Variants in PPP2R2A observed in about 807,000 individuals in gnomAD.
PPP2R2A encodes protein phosphatase 2 regulatory subunit Balpha.
In PPP2R2A, 9 loss-of-function variants were observed where a neutral mutation model predicts 53.2. The ratio of observed to expected loss-of-function variants is 0.17; its 90% CI spans 0.10 to 0.30. The LOEUF (loss-of-function observed/expected upper bound fraction) is 0.30, where lower values mean the gene tolerates loss of function less well. Ranked by LOEUF, PPP2R2A falls within the 10% of genes least tolerant of loss-of-function variation. The pLI, the probability that PPP2R2A is intolerant of heterozygous loss-of-function variation, is 1.00. For missense variants in PPP2R2A, 235 were observed against 534.6 expected, an observed-to-expected ratio of 0.44 and a Z score of 5.53; for synonymous variants, 169 against 174.2, an observed-to-expected ratio of 0.97 and a Z score of 0.23.
At chr8:26,314,615 A>T (rs1039611831) in intron 2 of PPP2R2A, among the ~76,000 whole-genome samples, 7 of 152,138 alleles carry the variant, frequency 4.6e-5, no homozygotes, top group Non-Finnish European at 1.0e-4. Flanking sequence ...TTGGCTGGTT[A>T]ACATTTTCCG....
chr8:26,349,236 A>G (rs1442362021), intron 3 of PPP2R2A, among the ~76,000 whole-genome samples: 1 of 151,316 alleles, frequency 6.6e-6, no homozygotes, highest in Non-Finnish European at 1.5e-5. Flanking sequence ...GGGTGGGTAG[A>G]TGTGTGTGTG....
At chr8:26,313,460 T>G (rs1157304063) in intron 2 of PPP2R2A, among the ~76,000 whole-genome samples, 1 of 152,216 alleles carries the variant, frequency 6.6e-6, no homozygotes, top group Non-Finnish European at 1.5e-5. Flanking sequence ...TTTCTTGGTG[T>G]TGTTACACTG....
intron 2 of PPP2R2A, among the ~76,000 whole-genome samples, chr8:26,330,054 G>C (rs556098644): frequency 6.6e-6 from 1 of 152,272 alleles, no homozygotes; most frequent in South Asian, 2.1e-4. Flanking sequence ...CAGGACTGCA[G>C]TGATACTTAC....
chr8:26,350,306 G>A (rs1804427776), intron 3 of PPP2R2A, among the ~76,000 whole-genome samples: 1 of 152,048 alleles, frequency 6.6e-6, no homozygotes, highest in Non-Finnish European at 1.5e-5. Flanking sequence ...CAGGTGATCT[G>A]CCCGCCTCAG....
intron 2 of PPP2R2A, among the ~76,000 whole-genome samples, chr8:26,300,340 C>T (rs901238583): frequency 5.3e-5 from 8 of 152,084 alleles, no homozygotes; most frequent in African/African-American, 1.9e-4. Flanking sequence ...CAGTATGTTA[C>T]GTATTTGCAT....
At chr8:26,356,548 G>A (rs1280234887) in intron 4 of PPP2R2A, among the ~76,000 whole-genome samples, 2 of 152,182 alleles carry the variant, frequency 1.3e-5, no homozygotes, top group African/African-American at 4.8e-5. Flanking sequence ...TCTTGGGTCA[G>A]TTTTAATTTA....
intron 1 of PPP2R2A, chr8:26,293,329 A>G: frequency 6.9e-7 from 1 of 1,448,482 alleles, no homozygotes; most frequent in Admixed American, 2.0e-5. Flanking sequence ...TGTACACTTA[A>G]GAAAACTCTT....
intron 2 of PPP2R2A, among the ~76,000 whole-genome samples, chr8:26,306,717 G>T (rs976837608): frequency 6.6e-6 from 1 of 152,022 alleles, no homozygotes; most frequent in African/African-American, 2.4e-5. Context: ...GATGATGCAT[G>T]CCTGTAGTCC....
chr8:26,365,648 G>T (rs1805334177), intron 8 of PPP2R2A: 1 of 151,994 alleles, frequency 6.6e-6, no homozygotes, highest in African/African-American at 2.4e-5. Flanking sequence ...ATATTTCTCA[G>T]ACTTTTTAAA....
At chr8:26,309,279 T>C (rs1346116581) in intron 2 of PPP2R2A, among the ~76,000 whole-genome samples, 1 of 151,808 alleles carries the variant, frequency 6.6e-6, no homozygotes, top group Non-Finnish European at 1.5e-5. Flanking sequence ...TGTCCCTCTC[T>C]ATCAGAGTTC....
chr8:26,306,738 A>G (rs1282889494), intron 2 of PPP2R2A, among the ~76,000 whole-genome samples: 3 of 151,976 alleles, frequency 2.0e-5, no homozygotes, highest in East Asian at 1.9e-4. Flanking sequence ...CAGCTACTCA[A>G]GAGGCCAAGG....
At chr8:26,344,230 G>A (rs1585384621) in intron 3 of PPP2R2A, among the ~76,000 whole-genome samples, 1 of 152,150 alleles carries the variant, frequency 6.6e-6, no homozygotes, top group Non-Finnish European at 1.5e-5. Context: ...AAAGATGTAT[G>A]TATGTTTACT....
chr8:26,293,288 T>G, intron 1 of PPP2R2A: 1 of 1,530,316 alleles, frequency 6.5e-7, no homozygotes, highest in Non-Finnish European at 8.8e-7. Context: ...TTCATGGTAG[T>G]TTAACCTTAT....
intron 3 of PPP2R2A, among the ~76,000 whole-genome samples, chr8:26,347,810 T>A (rs1442396430): frequency 6.6e-6 from 1 of 152,162 alleles, no homozygotes; most frequent in Non-Finnish European, 1.5e-5. Flanking sequence ...GAGTATTAAC[T>A]TACTGAACAT....
At chr8:26,311,588 G>A (rs1802292924) in intron 2 of PPP2R2A, among the ~76,000 whole-genome samples, 1 of 152,158 alleles carries the variant, frequency 6.6e-6, no homozygotes, top group Non-Finnish European at 1.5e-5. Flanking sequence ...AGGAGCACTT[G>A]AAGCCACGAG....
intron 2 of PPP2R2A, among the ~76,000 whole-genome samples, chr8:26,326,845 C>T (rs915323313): frequency 6.6e-6 from 1 of 152,184 alleles, no homozygotes. Flanking sequence ...TAGAGCTCTT[C>T]TTTCTAACAT....
intron 3 of PPP2R2A, among the ~76,000 whole-genome samples, chr8:26,341,555 G>A (rs1274850277): frequency 6.6e-6 from 1 of 152,122 alleles, no homozygotes; most frequent in Non-Finnish European, 1.5e-5. Flanking sequence ...TATTTAACAA[G>A]GTTATATTGC....
intron 2 of PPP2R2A, among the ~76,000 whole-genome samples, chr8:26,329,086 A>G (rs1803237096): frequency 6.6e-6 from 1 of 152,146 alleles, no homozygotes; most frequent in Admixed American, 6.5e-5. Context: ...TTACATATTT[A>G]GATTCCTATA....
At position 26,306,491 on chromosome 8, in the gene PPP2R2A, A is replaced by G. The variant is rs532737581; in HGVS notation, c.82+12751A>G. On this transcript the variant is annotated intron_variant, in intron 2 of 9. Coordinates refer to ENST00000380737, the MANE Select transcript of PPP2R2A (RefSeq NM_002717.4). ...ACTCTGTCTGAAAAAAAAAAAAAAA[A>G]AAAGTTTTCTAGAGCCAATAAACTG... is the stretch of plus-strand genomic sequence containing the variant. 2.6e-3 allele frequency among the ~76,000 whole-genome samples: 397 copies of G among 151,744 alleles called. 2 individuals are homozygous for G. The highest frequency in any genetic ancestry group is 9.0e-3 in the African/African-American group (371 of 41,396).
Sources: allele counts gnomAD v4.1 joint callset (sites outside exome capture counted in the v4.1 genomes callset), GRCh38; gene constraint gnomAD v4.1.1; transcripts MANE v1.5; gene names NCBI Gene and HGNC (gene_info 2026-07-23, HGNC 2026-07-21).